CDH12: variants seen among roughly 807,000 people sequenced by gnomAD.
The protein encoded by CDH12 is cadherin 12.
In CDH12, 41 loss-of-function variants were observed where a neutral mutation model predicts 74.1. That is an observed-to-expected ratio of 0.55 (90% CI 0.43 to 0.72). The LOEUF (loss-of-function observed/expected upper bound fraction) is 0.72. CDH12 is among the 30% of genes least tolerant of loss of function. The pLI is 0.00. For missense variants in CDH12, 945 were observed against 977.2 expected (o/e 0.97, Z 0.44); for synonymous variants, 399 against 355.0 (o/e 1.12, Z -1.39).
intron 4 of CDH12, among the ~76,000 whole-genome samples, chr5:22,211,757 AATAAAAC>A (rs1458437600): frequency 6.6e-6 from 1 of 151,296 alleles, no homozygotes; most frequent in African/African-American, 2.4e-5. Flanking sequence ...ATAAAAATGA[AATAAAAC>A]ATAAAAAAGA....
At chr5:22,364,525 G>A (rs1044092150) in intron 3 of CDH12, among the ~76,000 whole-genome samples, 1 of 152,168 alleles carries the variant, frequency 6.6e-6, no homozygotes, top group Non-Finnish European at 1.5e-5. Context: ...CGGCAACAGG[G>A]AGTCTTACAT....
At chr5:22,546,789 A>G (rs1738352057) in intron 1 of CDH12, among the ~76,000 whole-genome samples, 1 of 152,206 alleles carries the variant, frequency 6.6e-6, no homozygotes, top group East Asian at 1.9e-4. Context: ...AGCCTTTTGC[A>G]TGGTGTATCA....
chr5:22,066,638 A>C (rs1741581854), intron 5 of CDH12, among the ~76,000 whole-genome samples: 1 of 152,148 alleles, frequency 6.6e-6, no homozygotes, highest in South Asian at 2.1e-4. Flanking sequence ...CCTGACGTGG[A>C]AGTGAGGACT....
At chr5:21,887,860 T>C (rs549958093) in intron 6 of CDH12, among the ~76,000 whole-genome samples, 70 of 152,208 alleles carry the variant, frequency 4.6e-4, no homozygotes, top group Admixed American at 1.3e-3. Flanking sequence ...TTCAAATACT[T>C]TTGAGCAGTG....
chr5:22,775,650 T>C (rs1336641526), intron 1 of CDH12, among the ~76,000 whole-genome samples: 1 of 152,080 alleles, frequency 6.6e-6, no homozygotes, highest in Non-Finnish European at 1.5e-5. Context: ...ACTGACTTCA[T>C]GAGAAGCTCT....
At chr5:22,307,943 C>A (rs376521194) in intron 3 of CDH12, among the ~76,000 whole-genome samples, 1 of 128,736 alleles carries the variant, frequency 7.8e-6, no homozygotes, top group Non-Finnish European at 1.5e-5. Context: ...TGCAGTGGCG[C>A]GATCTCGGCT....
intron 1 of CDH12, among the ~76,000 whole-genome samples, chr5:22,783,420 A>G (rs1272164999): frequency 2.0e-5 from 3 of 152,148 alleles, no homozygotes; most frequent in Non-Finnish European, 4.4e-5. Context: ...TAAACCCGGT[A>G]GAAAATGGAG....
chr5:22,716,712 A>G (rs575759904), intron 1 of CDH12, among the ~76,000 whole-genome samples: 1 of 152,202 alleles, frequency 6.6e-6, no homozygotes, highest in African/African-American at 2.4e-5. Context: ...TTGGCCCTGA[A>G]GACCTTCCAG....
chr5:22,216,208 T>A (rs1751798002), intron 3 of CDH12, among the ~76,000 whole-genome samples: 1 of 152,036 alleles, frequency 6.6e-6, no homozygotes, highest in Non-Finnish European at 1.5e-5. Context: ...TTTACTTAGG[T>A]TTGTTCCAAA....
chr5:22,042,761 G>A (rs909366026), intron 5 of CDH12, among the ~76,000 whole-genome samples: 1 of 151,804 alleles, frequency 6.6e-6, no homozygotes, highest in Non-Finnish European at 1.5e-5. Flanking sequence ...GTGATGGTTT[G>A]TAACTGTAGT....
chr5:22,471,775 T>C (rs1357525238), intron 2 of CDH12, among the ~76,000 whole-genome samples: 1 of 152,228 alleles, frequency 6.6e-6, no homozygotes, highest in Non-Finnish European at 1.5e-5. Flanking sequence ...ATTTTCTTGT[T>C]TCCTTTATTT....
intron 1 of CDH12, among the ~76,000 whole-genome samples, chr5:22,835,584 T>A (rs1736784419): frequency 6.6e-6 from 1 of 152,206 alleles, no homozygotes; most frequent in Admixed American, 6.5e-5. Flanking sequence ...GTCATGATTA[T>A]CTCTCCGTGA....
rs71609760 is a variant in CDH12, at chr5:22,322,366, TA to T, written c.-333+82890del. Among the ~76,000 whole-genome samples the T allele has an allele frequency of 2.0e-3, 292 of 148,656 alleles. 4 individuals are homozygous for T. Among genetic ancestry groups the T allele is most frequent in the Admixed American group, 0.012 (184 of 14,860 alleles). On this transcript the variant is annotated intron_variant, in intron 3 of 14. Coordinates refer to ENST00000382254, the MANE Select transcript of CDH12 (RefSeq NM_004061.5). ...TTCATAAATATATTTCAGCTTTATT[TA>T]AAAAAAAAAAACATGGTAATCTGCT...
intron 8 of CDH12, among the ~76,000 whole-genome samples, chr5:21,833,914 C>T (rs929412735): frequency 6.6e-5 from 10 of 151,892 alleles, no homozygotes; most frequent in Non-Finnish European, 1.3e-4. Context: ...CATGCTTTAC[C>T]TTCAGCATGT....
intron 1 of CDH12, among the ~76,000 whole-genome samples, chr5:22,632,056 T>C (rs994361606): frequency 6.6e-6 from 1 of 152,122 alleles, no homozygotes; most frequent in East Asian, 1.9e-4. Context: ...CATCAGGATG[T>C]AGCAGAGGGT....
chr5:22,184,835 T>C lies in CDH12; in HGVS notation c.-187+27663A>G, dbSNP rs151179552. Among the ~76,000 whole-genome samples the C allele has an allele frequency of 4.1e-3, 626 of 152,314 alleles. 4 individuals are homozygous for C. Among genetic ancestry groups the C allele is most frequent in the African/African-American group, 0.014 (601 of 41,578 alleles). On this transcript the variant is annotated intron_variant, in intron 4 of 14. Transcript: ENST00000382254. ...TTGCCAAGTCACACAATGCCTAGTA[T>C]ACAGCACTAAAGTCATTTTTTTAAA...
chr5:22,090,000 A>G (rs557636037), intron 4 of CDH12, among the ~76,000 whole-genome samples: 1 of 152,156 alleles, frequency 6.6e-6, no homozygotes, highest in Non-Finnish European at 1.5e-5. Flanking sequence ...AAAGAAGAAA[A>G]AAAGAAGAGC....
At chr5:22,253,723 C>T (rs951573770) in intron 3 of CDH12, among the ~76,000 whole-genome samples, 4 of 151,726 alleles carry the variant, frequency 2.6e-5, no homozygotes, top group Admixed American at 6.6e-5. Context: ...CTCCACCTCT[C>T]CTCCTCCTCT....
rs1367363058 is a variant in CDH12 at position 21,880,514 on chromosome 5, CCTCT to C, written c.527-25728_527-25725del. On this transcript the variant is annotated intron_variant, in intron 6 of 14. Transcript: ENST00000382254. The stretch of plus-strand genomic sequence containing the variant: ...TCCTTCCTTCCTTCCTCCCTCCCTC[CCTCT>C]TTTCTTTCTTCCTTCTTTTCCTTCC... Among the ~76,000 whole-genome samples the C allele has an allele frequency of 5.1e-5, 6 of 118,156 alleles. 1 individual carries two copies. Among genetic ancestry groups the C allele is most frequent in the Admixed American group, 8.6e-5 (1 of 11,676 alleles). 77.5% of individuals were successfully genotyped at this position (118,156 alleles called of 152,430 possible). A position where few individuals can be genotyped will look rare whatever the true frequency, so the allele number is the denominator to read the frequency against.
Sources: gnomAD v4.1 joint callset for allele counts (sites outside exome capture counted in the v4.1 genomes callset) on GRCh38, gnomAD v4.1.1 for gene constraint, MANE v1.5 for transcripts, NCBI Gene and HGNC (gene_info 2026-07-23, HGNC 2026-07-21) for gene names.